Variants in TBC1D32 observed in about 807,000 individuals in gnomAD.
The protein encoded by TBC1D32 is TBC1 domain family member 32.
In TBC1D32, 151 loss-of-function variants were observed where a neutral mutation model predicts 170.3. That is an observed-to-expected ratio of 0.89 (90% CI 0.78 to 1.01). TBC1D32 has a LOEUF of 1.01. Ranked by LOEUF, TBC1D32 falls within the 50% of genes least tolerant of loss-of-function variation. The pLI, the probability that TBC1D32 is intolerant of heterozygous loss-of-function variation, is 0.00. For synonymous variants in TBC1D32, 498 were observed against 488.0 expected (o/e 1.02, Z -0.27); for missense variants, 1,464 against 1,457.1 (o/e 1.00, Z -0.08).
intron 3 of TBC1D32, 84 bp from the exon 4 acceptor site, chr6:121,310,931 A>C: frequency 1.3e-6 from 1 of 785,898 alleles, no homozygotes; most frequent in Non-Finnish European, 2.1e-6. Flanking sequence ...TATAATTCCA[A>C]GCACAAAACA....
intron 16 of TBC1D32, 34 bp downstream of exon 16, chr6:121,256,050 G>T (rs768290090): frequency 1.3e-6 from 2 of 1,549,674 alleles, no homozygotes; most frequent in Admixed American, 1.9e-5. Context: ...ATAAAGATTT[G>T]CAGGGAGAAA....
chr6:121,247,695 CAAAAA>C (rs34914027), intron 17 of TBC1D32, among the ~76,000 whole-genome samples: 17 of 46,570 alleles, frequency 3.7e-4, no homozygotes, highest in East Asian at 7.5e-4. Context: ...GGCTTTAAAG[CAAAAA>C]AAAAAAAAAA....
intron 22 of TBC1D32, among the ~76,000 whole-genome samples, chr6:121,176,262 A>G (rs1787749689): frequency 1.3e-5 from 2 of 152,158 alleles, no homozygotes; most frequent in African/African-American, 4.8e-5. Context: ...AAGACCTAAA[A>G]GTAGTGAGGA....
chr6:121,182,924 AT>A (rs1788718534), intron 22 of TBC1D32, among the ~76,000 whole-genome samples: 1 of 152,062 alleles, frequency 6.6e-6, no homozygotes, highest in Admixed American at 6.6e-5. Context: ...GTATTTTTAG[AT>A]TTTTTTAATG....
intron 22 of TBC1D32, among the ~76,000 whole-genome samples, chr6:121,190,413 C>T (rs1232564587): frequency 6.9e-6 from 1 of 145,966 alleles, no homozygotes; most frequent in Non-Finnish European, 1.5e-5. Flanking sequence ...CACACACATC[C>T]ACTCTCTCTA....
At chr6:121,286,519 C>T (rs1306570033) in intron 12 of TBC1D32, among the ~76,000 whole-genome samples, 2 of 151,930 alleles carry the variant, frequency 1.3e-5, no homozygotes, top group African/African-American at 4.8e-5. Flanking sequence ...ACCAAATCTA[C>T]GTCTGATTGG....
intron 31 of TBC1D32, among the ~76,000 whole-genome samples, chr6:121,087,679 AAC>A (rs1335948646): frequency 2.6e-5 from 4 of 152,216 alleles, no homozygotes; most frequent in Non-Finnish European, 4.4e-5. Context: ...ACTCATTTAT[AAC>A]AGTCAGATGC....
intron 22 of TBC1D32, among the ~76,000 whole-genome samples, chr6:121,193,462 T>C (rs1790340028): frequency 6.6e-6 from 1 of 152,204 alleles, no homozygotes; most frequent in African/African-American, 2.4e-5. Flanking sequence ...GGGCTGCACC[T>C]GAATCTTTGA....
intron 22 of TBC1D32, among the ~76,000 whole-genome samples, chr6:121,173,538 CT>C (rs1228191271): frequency 6.6e-6 from 1 of 152,104 alleles, no homozygotes; most frequent in Non-Finnish European, 1.5e-5. Context: ...GCCTAATCCT[CT>C]GTTTTCAACA....
At chr6:121,203,397 A>C (rs1279795018) in intron 22 of TBC1D32, among the ~76,000 whole-genome samples, 3 of 151,364 alleles carry the variant, frequency 2.0e-5, no homozygotes, top group Non-Finnish European at 4.4e-5. Context: ...TCTCTTTTTG[A>C]ATGCTGATAC....
intron 15 of TBC1D32, among the ~76,000 whole-genome samples, chr6:121,276,678 G>A (rs763889129): frequency 6.6e-6 from 1 of 152,030 alleles, no homozygotes; most frequent in Non-Finnish European, 1.5e-5. Context: ...TAAACATAAA[G>A]ACGAAGATAA....
At chr6:121,253,493 C>A (rs966274389) in intron 17 of TBC1D32, among the ~76,000 whole-genome samples, 2 of 152,068 alleles carry the variant, frequency 1.3e-5, no homozygotes, top group Non-Finnish European at 2.9e-5. Context: ...CCGAGGCGGG[C>A]GGATCACGAG....
intron 5 of TBC1D32, among the ~76,000 whole-genome samples, chr6:121,307,194 G>C (rs752595003): frequency 6.6e-6 from 1 of 151,762 alleles, no homozygotes; most frequent in Non-Finnish European, 1.5e-5. Flanking sequence ...GGGCAATGTG[G>C]TGAGGCTCCA....
rs1329440415 is a variant in TBC1D32 at position 121,279,168 on chromosome 6, C to T, written c.1686G>A (p.Gly562=). 4 of 1,611,070 alleles carry T rather than the reference C, an allele frequency of 2.5e-6. No homozygotes were observed. The African/African-American group carries it at 4.0e-5, about 16-fold the overall frequency. Residue 562 remains glycine, a synonymous_variant, in exon 15 of 32, where the codon GGG becomes GGA. Transcript: ENST00000398212. ...TTGCTCCATAAAGGAGTAAAATAAG[C>T]CCTTCTTCTACAGATGCAATTCTTG... ...ILARIASVEE[G]LILLLYGANM... is the part of the protein sequence containing the mutation.
intron 24 of TBC1D32, among the ~76,000 whole-genome samples, chr6:121,158,107 C>A (rs1785142722): frequency 1.3e-5 from 2 of 152,122 alleles, no homozygotes; most frequent in South Asian, 4.1e-4. Flanking sequence ...TACTTACACT[C>A]TCTCCTTCCC....
intron 26 of TBC1D32, among the ~76,000 whole-genome samples, chr6:121,117,874 T>G (rs1204946327): frequency 6.6e-6 from 1 of 152,080 alleles, no homozygotes; most frequent in Non-Finnish European, 1.5e-5. Context: ...GGAAGAAACT[T>G]TTATTATACA....
chr6:121,295,726 T>C (rs1292644286), intron 10 of TBC1D32, among the ~76,000 whole-genome samples: 1 of 151,698 alleles, frequency 6.6e-6, no homozygotes, highest in African/African-American at 2.4e-5. Flanking sequence ...AGGAAAAAAA[T>C]AAAGGTTTGA....
At chr6:121,138,089 G>A (rs1782341720) in intron 24 of TBC1D32, among the ~76,000 whole-genome samples, 1 of 151,952 alleles carries the variant, frequency 6.6e-6, no homozygotes, top group Non-Finnish European at 1.5e-5. Flanking sequence ...ACCATAATAA[G>A]CAAGGAAAAA....
chr6:121,225,950 A>C (rs1381992323), intron 20 of TBC1D32, among the ~76,000 whole-genome samples: 1 of 152,158 alleles, frequency 6.6e-6, no homozygotes, highest in East Asian at 1.9e-4. Flanking sequence ...ACATAAATCT[A>C]TGTCATCAAT....
Sources: gnomAD v4.1 joint callset for allele counts (sites outside exome capture counted in the v4.1 genomes callset) on GRCh38, gnomAD v4.1.1 for gene constraint, MANE v1.5 for transcripts, NCBI Gene and HGNC (gene_info 2026-07-23, HGNC 2026-07-21) for gene names.